The following EPB41L4B variants were observed in gnomAD, a reference collection of about 807,000 sequenced individuals.
The protein encoded by EPB41L4B is erythrocyte membrane protein band 4.1 like 4B.
Under a neutral mutation model 112.5 loss-of-function variants are expected in EPB41L4B, and 30 were observed. That is an observed-to-expected ratio of 0.27 (90% CI 0.20 to 0.36). EPB41L4B has a LOEUF of 0.36. Among genes scored for constraint, EPB41L4B ranks in the 10% least tolerant of loss-of-function variants. The pLI is 1.00. For missense variants in EPB41L4B, 1,024 were observed against 1,133.3 expected, an observed-to-expected ratio of 0.90 and a Z score of 1.38; for synonymous variants, 408 against 439.7, an observed-to-expected ratio of 0.93 and a Z score of 0.90.
intron 1 of EPB41L4B, among the ~76,000 whole-genome samples, chr9:109,285,062 C>G (rs1368048689): frequency 6.6e-6 from 1 of 152,174 alleles, no homozygotes; most frequent in Non-Finnish European, 1.5e-5. Flanking sequence ...TATCGCCAAC[C>G]CAGACTTATC....
intron 15 of EPB41L4B, among the ~76,000 whole-genome samples, chr9:109,238,130 A>C (rs1834215495): frequency 6.6e-6 from 1 of 152,162 alleles, no homozygotes; most frequent in Non-Finnish European, 1.5e-5. Context: ...ACAGGATACT[A>C]CCCATCTCAC....
At chr9:109,287,384 G>A (rs777327958) in intron 1 of EPB41L4B, among the ~76,000 whole-genome samples, 6 of 152,216 alleles carry the variant, frequency 3.9e-5, no homozygotes, top group Non-Finnish European at 7.4e-5. Flanking sequence ...ATCTGGTCCC[G>A]GAAGAACAAA....
At chr9:109,225,967 C>T (rs1008648770) in intron 15 of EPB41L4B, among the ~76,000 whole-genome samples, 6 of 152,306 alleles carry the variant, frequency 3.9e-5, no homozygotes, top group African/African-American at 1.4e-4. Flanking sequence ...ATGAACTCAT[C>T]AGGAGTTTAT....
In EPB41L4B at chr9:109,185,597, G is replaced by A. The variant is rs1338040590; in HGVS notation, c.2310C>T (p.Pro770=). The A allele has an allele frequency of 3.7e-6, 6 of 1,608,372 alleles. No homozygotes were observed. Among genetic ancestry groups the A allele is most frequent in the Admixed American group, 3.4e-5 (2 of 59,470 alleles). The part of the protein sequence containing the change: ...DFTEATPLAE[P]ASNPHCAHSR... ...AGTGGGCACAGTGGGGGTTGCTGGC[G>A]GGCTCTGCCTGCTCACGAGGAGAGG... The change falls in exon 23 of 26, where the codon CCC becomes CCT. Residue 770 remains proline (P), a synonymous_variant. Coordinates refer to ENST00000374566, the MANE Select transcript of EPB41L4B (RefSeq NM_019114.5).
chr9:109,228,976 G>A (rs1833868548), intron 15 of EPB41L4B, among the ~76,000 whole-genome samples: 1 of 152,078 alleles, frequency 6.6e-6, no homozygotes, highest in Non-Finnish European at 1.5e-5. Context: ...TTTCTAAACA[G>A]TAAAACATAT....
At chr9:109,228,075 A>C (rs550897377) in intron 15 of EPB41L4B, among the ~76,000 whole-genome samples, 81 of 152,146 alleles carry the variant, frequency 5.3e-4, no homozygotes, top group Non-Finnish European at 1.0e-3. Context: ...TCCACTGGTA[A>C]GGTCTCCAGA....
At chr9:109,251,566 C>G in intron 12 of EPB41L4B, 55 bp from the exon 13 acceptor site, 2 of 1,514,140 alleles carry the variant, frequency 1.3e-6, no homozygotes, top group Non-Finnish European at 1.8e-6. Flanking sequence ...TCGCTTTCAC[C>G]ATGCAATGAC....
At chr9:109,251,630 C>T in intron 12 of EPB41L4B, 119 bp from the exon 13 acceptor site, 1 of 888,944 alleles carries the variant, frequency 1.1e-6, no homozygotes, top group Non-Finnish European at 1.9e-6. Context: ...AACTCCAACC[C>T]AGGCAGAACT....
chr9:109,207,464 C>T (rs1006263374), intron 18 of EPB41L4B, among the ~76,000 whole-genome samples: 5 of 151,986 alleles, frequency 3.3e-5, no homozygotes, highest in African/African-American at 7.2e-5. Context: ...CCCAGCTACT[C>T]GGGAGGCTGA....
chr9:109,226,240 G>A (rs1833754869), intron 15 of EPB41L4B, among the ~76,000 whole-genome samples: 1 of 152,078 alleles, frequency 6.6e-6, no homozygotes, highest in Non-Finnish European at 1.5e-5. Context: ...TGGACTGGAG[G>A]GTGAATACAG....
intron 15 of EPB41L4B, among the ~76,000 whole-genome samples, chr9:109,232,023 G>A (rs1270150711): frequency 6.6e-6 from 1 of 150,506 alleles, no homozygotes; most frequent in Non-Finnish European, 1.5e-5. Flanking sequence ...ATGGAATATC[G>A]CTCTGTTGCC....
chr9:109,267,483 C>A lies in EPB41L4B; in HGVS notation c.523G>T (p.Glu175Ter). The change falls in exon 4 of 26, where the codon GAG (glutamate) becomes TAG (stop). Residue 175 changes from glutamate (E) to a stop codon, truncating the protein, a stop_gained. Coordinates refer to ENST00000374566, the MANE Select transcript of EPB41L4B (RefSeq NM_019114.5). LOFTEE classifies it high-confidence loss of function. ...TGCATCGTGGCCTACCTTGTAAACT[C>A]CTCACGAAGGTTGTTTGGTTCTGAA... ...YSSEPNNLRE[E>*]FTRYLFVLQL... 6.2e-7 allele frequency: 1 copy of A among 1,612,768 alleles called. No homozygotes were observed.
At chr9:109,225,721 C>T (rs1409006882) in intron 15 of EPB41L4B, among the ~76,000 whole-genome samples, 1 of 152,146 alleles carries the variant, frequency 6.6e-6, no homozygotes, top group Non-Finnish European at 1.5e-5. Flanking sequence ...GGGTGCCCAA[C>T]CCAAGTGGAA....
chr9:109,289,057 A>C (rs554373722), intron 1 of EPB41L4B, among the ~76,000 whole-genome samples: 52 of 152,246 alleles, frequency 3.4e-4, no homozygotes, highest in Non-Finnish European at 6.0e-4. Context: ...TGTTTGCCAG[A>C]ATGGTCTTTC....
chr9:109,217,874 A>G (rs902151414), intron 15 of EPB41L4B, among the ~76,000 whole-genome samples: 1 of 151,784 alleles, frequency 6.6e-6, no homozygotes, highest in Non-Finnish European at 1.5e-5. Context: ...TGCCCAGCTT[A>G]CAACATCTTT....
chr9:109,205,019 C>G (rs750162924), intron 18 of EPB41L4B, among the ~76,000 whole-genome samples: 2 of 152,194 alleles, frequency 1.3e-5, no homozygotes, highest in Non-Finnish European at 2.9e-5. Context: ...CTATGAATTT[C>G]AGTTCTACAG....
At chr9:109,221,735 C>T (rs768593645) in intron 15 of EPB41L4B, among the ~76,000 whole-genome samples, 1 of 152,156 alleles carries the variant, frequency 6.6e-6, no homozygotes. Flanking sequence ...TATGATCGAC[C>T]ATCACGTGGG....
At chr9:109,304,838 A>C (rs1448643709) in intron 1 of EPB41L4B, among the ~76,000 whole-genome samples, 1 of 152,160 alleles carries the variant, frequency 6.6e-6, no homozygotes, top group African/African-American at 2.4e-5. Context: ...AGGGACAGCA[A>C]ATCCAGAGAG....
chr9:109,317,655 C>T (rs577934285), intron 1 of EPB41L4B, among the ~76,000 whole-genome samples: 77 of 152,338 alleles, frequency 5.1e-4, no homozygotes, highest in African/African-American at 1.8e-3. Context: ...TCAAGGCTAA[C>T]GCCGCCTGAG....
Sources: allele counts gnomAD v4.1 joint callset (sites outside exome capture counted in the v4.1 genomes callset), GRCh38; gene constraint gnomAD v4.1.1; transcripts MANE v1.5; gene names NCBI Gene and HGNC (gene_info 2026-07-23, HGNC 2026-07-21).